Variants in JAML observed in about 807,000 individuals in gnomAD.
The protein encoded by JAML is junctional adhesion molecule-like.
Under a neutral mutation model 39.3 loss-of-function variants are expected in JAML, and 25 were observed. The ratio of observed to expected loss-of-function variants is 0.64; its 90% confidence interval spans 0.46 to 0.89. The LOEUF is 0.89. Among genes scored for constraint, JAML ranks in the 40% least tolerant of loss-of-function variants. The probability of loss-of-function intolerance (pLI) is 0.00; values close to 1 mark genes in which losing one functional copy is unlikely to be tolerated. For missense variants in JAML, 440 were observed against 486.9 expected (o/e 0.90, Z 0.91); for synonymous variants, 162 against 179.2 (o/e 0.90, Z 0.77).
chr11:118,195,448 C>A (rs762028699), intron 9 of JAML, among the ~76,000 whole-genome samples: 2 of 152,008 alleles, frequency 1.3e-5, no homozygotes, highest in Non-Finnish European at 2.9e-5. Flanking sequence ...CTTCCCAAAC[C>A]CACAGAACAC....
At chr11:118,207,105 T>C (rs1948932492) in intron 4 of JAML, among the ~76,000 whole-genome samples, 1 of 152,152 alleles carries the variant, frequency 6.6e-6, no homozygotes, top group Non-Finnish European at 1.5e-5. Flanking sequence ...CTAAAATCTA[T>C]GGAAGGAATT....
At chr11:118,209,519 CTTCTT>C (rs1297682197) in intron 4 of JAML, among the ~76,000 whole-genome samples, 1 of 152,024 alleles carries the variant, frequency 6.6e-6, no homozygotes, top group Non-Finnish European at 1.5e-5. Flanking sequence ...CTGCTCCTTT[CTTCTT>C]TTTTCTATTT....
chr11:118,203,462 G>C lies in JAML; in HGVS notation c.738C>G (p.Thr246=), dbSNP rs1167714318. The change falls in exon 6 of 10, where the codon ACC becomes ACG. Residue 246 remains threonine (T), a synonymous_variant. Coordinates refer to ENST00000356289, the MANE Select transcript of JAML (RefSeq NM_001098526.2). ...CTTCCGGGCTGACATGCAGCACAATGGTTTTCTTGAACACCAGGTTCCCTA... is the reference window on the plus strand; with the variant it reads ...CTTCCGGGCTGACATGCAGCACAATCGTTTTCTTGAACACCAGGTTCCCTA... ...IHLGNLVFKK[T]IVLHVSPEEP... The C allele has an allele frequency of 6.2e-7, 1 of 1,614,040 alleles. No individual in the cohort carries two copies. The highest frequency in any genetic ancestry group is 8.5e-7 in the Non-Finnish European group (1 of 1,180,018).
At position 118,212,651 on chromosome 11, in the gene JAML, C is replaced by G. The variant is rs192197964; in HGVS notation, c.44-90G>C. 8.7e-4 allele frequency: 1,344 copies of G among 1,538,350 alleles called. 25 individuals carry two copies. In the East Asian group the frequency reaches 0.022, roughly 25 times the overall value. On this transcript the variant is annotated intron_variant, in intron 2 of 9. Transcript: ENST00000356289. ...TCCAATCATGGAGTACTAAACACCC[C>G]TCTCCCTGGATGATCCAACATAGAC...
chr11:118,214,892 G>A lies in JAML; in HGVS notation c.-20-6C>T. ...GCTGCTCTCAACTTTCAAATCTTAA[G>A]ATAAAAGAACAAAAATCACAAAATC... On this transcript the variant is annotated splice_region_variant and splice_polypyrimidine_tract_variant and intron_variant, in intron 1 of 9. Transcript: ENST00000356289. The A allele has an allele frequency of 4.3e-6, 7 of 1,612,816 alleles. No homozygotes were observed. Among genetic ancestry groups the A allele is most frequent in the Non-Finnish European group, 5.1e-6 (6 of 1,179,192 alleles).
rs1949219272 is a variant in JAML at position 118,222,474 on chromosome 11, G to T, written c.-21+2467C>A. Among the ~76,000 whole-genome samples the T allele has an allele frequency of 6.6e-6, 1 of 152,034 alleles. No homozygotes were observed. Among genetic ancestry groups the T allele is most frequent in the African/African-American group, 2.4e-5 (1 of 41,382 alleles). On this transcript the variant is annotated intron_variant, in intron 1 of 9. Coordinates refer to ENST00000356289, the MANE Select transcript of JAML (RefSeq NM_001098526.2). The surrounding 1 kb of genome is among the most constrained non-coding windows in gnomAD (Gnocchi z 4.2). ...AGAACTTCTCAGTCAATGGAATTTT[G>T]TCTTGATTTTCCATTTCTGTCTGTC...
At position 118,194,373 on chromosome 11, in the gene JAML, A is replaced by T. The variant is rs1948611181; in HGVS notation, c.1137T>A (p.Leu379=). The change falls in exon 10 of 10, where the codon CTT becomes CTA. Residue 379 remains leucine (L), a synonymous_variant. Transcript: ENST00000356289. The part of the protein sequence containing the change: ...PSLRSDRNNS[L]EKKSGGGMPK... Reference sequence around the variant, plus strand: ...GCATTCCCCCACCTGACTTTTTTTCAAGTGAGTTGTTCCGATCTGACCTCA... The same window carrying T: ...GCATTCCCCCACCTGACTTTTTTTCTAGTGAGTTGTTCCGATCTGACCTCA... The T allele has an allele frequency of 1.2e-6, 2 of 1,613,020 alleles. No individual in the cohort carries two copies.
intron 7 of JAML, among the ~76,000 whole-genome samples, chr11:118,199,777 A>G (rs1318984150): frequency 1.3e-5 from 2 of 148,936 alleles, no homozygotes; most frequent in Non-Finnish European, 3.0e-5. Flanking sequence ...GCTCACTGCA[A>G]GCTCCACCTC....
chr11:118,194,216 A>C lies in JAML; in HGVS notation c.*109T>G, dbSNP rs1948604866. 4.2e-6 allele frequency: 4 copies of C among 950,174 alleles called. No homozygotes were observed. The Admixed American group carries it at 7.6e-5, about 18-fold the overall frequency. The allele number at this position is 950,174 out of a possible 1,614,324, so 58.9% of individuals were successfully genotyped here. A position where few individuals can be genotyped will look rare whatever the true frequency, so the allele number is the denominator to read the frequency against. ...CAGTGTATTGACCAAACAATGAGAC[A>C]GGAGGACAGCTGGGAGAGCGGGAGT... On this transcript the variant is annotated 3_prime_UTR_variant, in exon 10 of 10. Coordinates refer to ENST00000356289, the MANE Select transcript of JAML (RefSeq NM_001098526.2).
chr11:118,194,210 T>C lies in JAML; in HGVS notation c.*115A>G. On this transcript the variant is annotated 3_prime_UTR_variant, in exon 10 of 10. Coordinates refer to ENST00000356289, the MANE Select transcript of JAML (RefSeq NM_001098526.2). ...CATCTTCAGTGTATTGACCAAACAA[T>C]GAGACAGGAGGACAGCTGGGAGAGC... 3 of 909,842 alleles carry C rather than the reference T, an allele frequency of 3.3e-6. No homozygotes were observed. Among genetic ancestry groups the C allele is most frequent in the Non-Finnish European group, 5.3e-6 (3 of 561,876 alleles). 56.4% of individuals were successfully genotyped at this position (909,842 alleles called of 1,614,324 possible). A position where few individuals can be genotyped will look rare whatever the true frequency, so the allele number is the denominator to read the frequency against.
At chr11:118,218,970 T>C (rs1280064489) in intron 1 of JAML, among the ~76,000 whole-genome samples, 2 of 152,226 alleles carry the variant, frequency 1.3e-5, no homozygotes, top group East Asian at 3.8e-4. Context: ...ATCTCATCTG[T>C]TGGCCAAATA....
intron 6 of JAML, chr11:118,203,166 G>A: frequency 1.6e-6 from 1 of 615,182 alleles, no homozygotes. Flanking sequence ...GTGGGGTCTG[G>A]CAGAGGATTG....
At chr11:118,195,218 A>G (rs1470408970) in intron 9 of JAML, among the ~76,000 whole-genome samples, 5 of 152,150 alleles carry the variant, frequency 3.3e-5, no homozygotes, top group African/African-American at 7.2e-5. Context: ...GCAGCATCAC[A>G]TAACAGTATG....
chr11:118,200,396 TCAC>T, intron 7 of JAML, 75 bp downstream of exon 7: 1 of 1,539,068 alleles, frequency 6.5e-7, no homozygotes, highest in South Asian at 1.1e-5. Context: ...TAGGGCCCTA[TCAC>T]CCTGTTCTAC....
rs376277294 is a variant in JAML, at chr11:118,200,537, C to G, written c.848G>C (p.Cys283Ser). 59 of 1,613,960 alleles carry G rather than the reference C, an allele frequency of 3.7e-5. No individual in the cohort carries two copies. Among genetic ancestry groups the G allele is most frequent in the Non-Finnish European group, 3.6e-5 (42 of 1,180,002 alleles). Reference protein sequence around the residue: ...NQLVIIVGIVCATILLLPVLI... With the variant: ...NQLVIIVGIVSATILLLPVLI... The stretch of plus-strand genomic sequence containing the variant: ...AACAGGGAGCAGCAGGATTGTGGCA[C>G]AGACAATTCCCACAATGATCACCAA... The change falls in exon 7 of 10, where the codon TGT (cysteine) becomes TCT (serine). Residue 283 changes from cysteine (C) to serine (S), a missense_variant. Physicochemically the swap from Cys to Ser is moderately radical, Grantham distance 112 (BLOSUM62 -1). Coordinates refer to ENST00000356289, the MANE Select transcript of JAML (RefSeq NM_001098526.2).
chr11:118,224,087 C>T (rs1949236264), intron 1 of JAML: 1 of 152,226 alleles, frequency 6.6e-6, no homozygotes, highest in African/African-American at 2.4e-5. Context: ...TTTAGGTCTA[C>T]AAGTCCATAT....
At chr11:118,217,512 T>C (rs191064737) in intron 1 of JAML, among the ~76,000 whole-genome samples, 32 of 152,364 alleles carry the variant, frequency 2.1e-4, no homozygotes, top group Non-Finnish European at 1.2e-4. Context: ...ACTAAAAGTT[T>C]TTTTTAAATG....
At chr11:118,203,804 A>G in intron 5 of JAML, 139 bp from the exon 6 acceptor site, 1 of 708,378 alleles carries the variant, frequency 1.4e-6, no homozygotes, top group African/African-American at 1.7e-5. Context: ...AAAGCATTAA[A>G]TAACACAAAG....
Position 118,196,813 on chromosome 11 carries a change from A to C in JAML, c.1014T>G (p.Ile338Met). 3.7e-6 allele frequency: 6 copies of C among 1,610,514 alleles called. No homozygotes were observed. Among genetic ancestry groups the C allele is most frequent in the Non-Finnish European group, 5.1e-6 (6 of 1,176,852 alleles). Residue 338 changes from isoleucine to methionine, a missense_variant, in exon 9 of 10, where the codon ATT becomes ATG. Physicochemically the swap from Ile to Met is conservative, Grantham distance 10 (BLOSUM62 1). Coordinates refer to ENST00000356289, the MANE Select transcript of JAML (RefSeq NM_001098526.2). ...CCTCCCGTACAATTATTGGGGAGTA[A>C]ATGTGTTTCTAGAGGGGGAAAATGG... Reference protein sequence around the residue: ...HFERCEGEKHIYSPIIVREVI... With the variant: ...HFERCEGEKHMYSPIIVREVI...
Sources: allele counts gnomAD v4.1 joint callset (sites outside exome capture counted in the v4.1 genomes callset), GRCh38; gene constraint gnomAD v4.1.1; non-coding constraint Gnocchi (gnomAD v3.1); transcripts MANE v1.5; gene names NCBI Gene and HGNC (gene_info 2026-07-23, HGNC 2026-07-21).